Variants in SUGCT observed in about 807,000 individuals in gnomAD.
SUGCT encodes succinyl-CoA:glutarate CoA-transferase.
In SUGCT, 41 loss-of-function variants were observed where a neutral mutation model predicts 55.0. The ratio of observed to expected loss-of-function variants is 0.74; its 90% CI spans 0.58 to 0.97. The LOEUF (loss-of-function observed/expected upper bound fraction) is 0.97, where lower values mean the gene tolerates loss of function less well. SUGCT is among the 50% of genes least tolerant of loss of function. The probability of loss-of-function intolerance (pLI) is 0.00; values close to 1 mark genes in which losing one functional copy is unlikely to be tolerated. For synonymous variants in SUGCT, 187 were observed against 200.4 expected, an observed-to-expected ratio of 0.93 and a Z score of 0.56; for missense variants, 568 against 547.8, an observed-to-expected ratio of 1.04 and a Z score of -0.37.
intron 6 of SUGCT, among the ~76,000 whole-genome samples, chr7:40,205,018 C>T (rs1303045269): frequency 6.6e-6 from 1 of 152,040 alleles, no homozygotes; most frequent in Non-Finnish European, 1.5e-5. Context: ...CTTTGGGAGG[C>T]TGAGGCAGGT....
the SUGCT span, among the ~76,000 whole-genome samples, chr7:40,992,941 C>T: frequency 6.6e-6 from 1 of 152,052 alleles, no homozygotes; most frequent in Non-Finnish European, 1.5e-5. Context: ...GGGGAGGGGA[C>T]AGGTAAGAGA....
chr7:40,680,062 C>G (rs947778264), intron 12 of SUGCT, among the ~76,000 whole-genome samples: 4 of 152,062 alleles, frequency 2.6e-5, no homozygotes, highest in Non-Finnish European at 5.9e-5. Flanking sequence ...TTTTAAGGAA[C>G]AAGTCCACAA....
At chr7:40,534,966 A>G (rs578166811) in intron 12 of SUGCT, among the ~76,000 whole-genome samples, 1 of 152,234 alleles carries the variant, frequency 6.6e-6, no homozygotes, top group South Asian at 2.1e-4. Flanking sequence ...AGATTTTTTA[A>G]TGTTTTTAGT....
At chr7:40,149,873 C>T (rs1168764004) in intron 1 of SUGCT, among the ~76,000 whole-genome samples, 1 of 152,134 alleles carries the variant, frequency 6.6e-6, no homozygotes, top group Non-Finnish European at 1.5e-5. Flanking sequence ...GAGCTGAGAT[C>T]GCGCCATCGC....
intron 9 of SUGCT, among the ~76,000 whole-genome samples, chr7:40,392,349 G>T (rs1785483567): frequency 6.6e-6 from 1 of 152,106 alleles, no homozygotes; most frequent in Non-Finnish European, 1.5e-5. Context: ...AAAAAGAAAT[G>T]CACAGGCTGT....
intron 1 of SUGCT, among the ~76,000 whole-genome samples, chr7:40,169,166 G>A (rs1365141438): frequency 2.0e-5 from 3 of 152,092 alleles, no homozygotes; most frequent in Non-Finnish European, 4.4e-5. Context: ...TAATTATAGT[G>A]TAAAATGGCC....
the SUGCT span, among the ~76,000 whole-genome samples, chr7:40,897,864 A>G: frequency 1.3e-5 from 2 of 152,090 alleles, no homozygotes; most frequent in African/African-American, 4.8e-5. Context: ...AGCACTCTGT[A>G]AAACAGACCA....
intron 13 of SUGCT, among the ~76,000 whole-genome samples, chr7:40,772,090 G>C (rs909810820): frequency 6.6e-6 from 1 of 152,080 alleles, no homozygotes; most frequent in East Asian, 1.9e-4. Flanking sequence ...CTCCCTGAAG[G>C]AGTAAGCCAG....
chr7:40,243,099 A>C (rs527887681), intron 7 of SUGCT, among the ~76,000 whole-genome samples: 120 of 149,926 alleles, frequency 8.0e-4, no homozygotes, highest in African/African-American at 2.7e-3. Flanking sequence ...CCATGCCTGC[A>C]TCCATCTCTC....
chr7:40,146,566 G>T (rs1187846956), intron 1 of SUGCT, among the ~76,000 whole-genome samples: 1 of 152,238 alleles, frequency 6.6e-6, no homozygotes, highest in African/African-American at 2.4e-5. Flanking sequence ...TGGAAATAAA[G>T]GTATGGGCTC....
chr7:40,325,339 G>T (rs771976903), intron 9 of SUGCT, among the ~76,000 whole-genome samples: 1 of 151,576 alleles, frequency 6.6e-6, no homozygotes, highest in Non-Finnish European at 1.5e-5. Context: ...AAAATGTGAA[G>T]GTATAAACAG....
chr7:41,034,848 G>C, the SUGCT span, among the ~76,000 whole-genome samples: 4 of 152,168 alleles, frequency 2.6e-5, no homozygotes, highest in Non-Finnish European at 5.9e-5. Context: ...CCTCTTTCTA[G>C]GGGTGATGGG....
downstream of SUGCT, among the ~76,000 whole-genome samples, chr7:40,861,069 C>T (rs1794475425): frequency 6.6e-6 from 1 of 152,142 alleles, no homozygotes; most frequent in African/African-American, 2.4e-5. Flanking sequence ...CCATTCTCCC[C>T]TGTGGGGGTA....
chr7:40,628,362 G>A (rs1799623597), intron 12 of SUGCT, among the ~76,000 whole-genome samples: 3 of 152,200 alleles, frequency 2.0e-5, no homozygotes, highest in Non-Finnish European at 4.4e-5. Flanking sequence ...TTTGTCAAAT[G>A]TCTCCCTCAA....
the SUGCT span, among the ~76,000 whole-genome samples, chr7:40,871,617 G>A: frequency 5.3e-5 from 8 of 152,140 alleles, no homozygotes; most frequent in Non-Finnish European, 7.3e-5. Flanking sequence ...TAAACTCAGA[G>A]AGGAGTTTAA....
the SUGCT span, among the ~76,000 whole-genome samples, chr7:40,918,594 A>T: frequency 7.4e-4 from 112 of 152,218 alleles, no homozygotes; most frequent in Non-Finnish European, 1.4e-3. Context: ...ATTACCTTCT[A>T]TCAGACCTTA....
At chr7:40,267,015 A>G (rs931841124) in intron 7 of SUGCT, among the ~76,000 whole-genome samples, 2 of 89,552 alleles carry the variant, frequency 2.2e-5, no homozygotes, top group African/African-American at 8.8e-5. Flanking sequence ...GACTCCATCT[A>G]AAAAAAACAA....
intron 1 of SUGCT, among the ~76,000 whole-genome samples, chr7:40,172,057 G>A (rs1361565711): frequency 2.6e-5 from 4 of 152,024 alleles, no homozygotes; most frequent in Non-Finnish European, 4.4e-5. Flanking sequence ...GTGGAAGGAC[G>A]TTAGCTTGTT....
At chr7:40,760,810 A>G (rs1476358164) in intron 13 of SUGCT, among the ~76,000 whole-genome samples, 8 of 151,916 alleles carry the variant, frequency 5.3e-5, no homozygotes, top group African/African-American at 1.9e-4. Flanking sequence ...TGTCTCACGT[A>G]TTTCAGTGGC....
Sources: allele counts gnomAD v4.1 joint callset (sites outside exome capture counted in the v4.1 genomes callset), GRCh38; gene constraint gnomAD v4.1.1; transcripts MANE v1.5; gene names NCBI Gene and HGNC (gene_info 2026-07-23, HGNC 2026-07-21).